FRY: variants seen among roughly 807,000 people sequenced by gnomAD.
The protein encoded by FRY is protein furry homolog.
FRY carries 128 observed loss-of-function variants against 348.4 expected under a neutral mutation model. The ratio of observed to expected loss-of-function variants is 0.37; its 90% CI spans 0.32 to 0.43. The LOEUF (loss-of-function observed/expected upper bound fraction) is 0.43, where lower values mean the gene tolerates loss of function less well. FRY is among the 20% of genes least tolerant of loss of function. FRY has a pLI of 1.00. For missense variants in FRY, 2,736 were observed against 3,695.2 expected (o/e 0.74, Z 6.73); for synonymous variants, 1,370 against 1,374.7 (o/e 1.00, Z 0.08).
chr13:32,071,766 T>C (rs1020986689), intron 1 of FRY, among the ~76,000 whole-genome samples: 3 of 152,116 alleles, frequency 2.0e-5, no homozygotes, highest in Non-Finnish European at 4.4e-5. Flanking sequence ...GGATATAAAG[T>C]TTTAGTTAAG....
In FRY at chr13:32,209,055, C is replaced by A. The variant is rs912517658; in HGVS notation, c.4221C>A (p.Gly1407=). The A allele has an allele frequency of 3.1e-6, 5 of 1,613,986 alleles. No individual in the cohort carries two copies. In the African/African-American group the frequency reaches 5.3e-5, roughly 17 times the overall value. The change falls in exon 32 of 61, where the codon GGC becomes GGA. Residue 1407 remains glycine (G), a synonymous_variant. Transcript: ENST00000542859. ...ACGGGCTGAGAGGAAATGGCTGGGG[C>A]TCTCCAGAAGCCACGTCACTGGTCC... ...ASHGLRGNGW[G]SPEATSLVLN...
At chr13:32,042,636 C>A (rs950656971) in intron 1 of FRY, among the ~76,000 whole-genome samples, 1 of 152,108 alleles carries the variant, frequency 6.6e-6, no homozygotes, top group Non-Finnish European at 1.5e-5. Context: ...ACCTCAGTTC[C>A]AAATATCTTT....
At position 32,179,000 on chromosome 13, in the gene FRY, C is replaced by T. The variant is rs868748883; in HGVS notation, c.2838C>T (p.Thr946=). The change falls in exon 22 of 61, where the codon ACC becomes ACT. Residue 946 remains threonine, a synonymous_variant. Transcript: ENST00000542859. ...CTTCCACTCCAGAAATAATGGCGACCACACCTGATGGTACAGTGAGCTACG... is the reference window on the plus strand; with the variant it reads ...CTTCCACTCCAGAAATAATGGCGACTACACCTGATGGTACAGTGAGCTACG... ...LRASTPEIMA[T]TPDGTVSYDN... 6.2e-7 allele frequency: 1 copy of T among 1,613,772 alleles called. No homozygotes were observed. Among genetic ancestry groups the T allele is most frequent in the Middle Eastern group, 1.7e-4 (1 of 6,060 alleles).
intron 35 of FRY, among the ~76,000 whole-genome samples, chr13:32,215,077 T>C (rs73442692): frequency 1.8e-4 from 28 of 152,310 alleles, no homozygotes; most frequent in African/African-American, 6.7e-4. Flanking sequence ...GCCAAGCTAA[T>C]GGGAGGGTAA....
intron 3 of FRY, 25 bp downstream of exon 3, chr13:32,102,041 T>C (rs1373740913): frequency 1.5e-6 from 2 of 1,345,656 alleles, no homozygotes; most frequent in South Asian, 2.3e-5. Context: ...TGTTATATAC[T>C]AGTTTTCCTT....
intron 18 of FRY, among the ~76,000 whole-genome samples, chr13:32,172,382 G>A (rs146463703): frequency 6.6e-6 from 1 of 152,278 alleles, no homozygotes; most frequent in African/African-American, 2.4e-5. Context: ...TGTGGATATA[G>A]GTATATAAAA....
Position 32,186,246 on chromosome 13 carries a change from G to GT in FRY, c.3320-9dup, listed in dbSNP as rs1883022749. The GT allele has an allele frequency of 6.2e-7, 1 of 1,603,918 alleles. No individual in the cohort carries two copies. The highest frequency in any genetic ancestry group is 1.1e-5 in the South Asian group (1 of 90,880). ...GTCCAGTCTTATAACCTCTAAGTGTGTTTTTCTCCCTAGTTCACCACCGAA... is the reference window on the plus strand; with the variant it reads ...GTCCAGTCTTATAACCTCTAAGTGTGTTTTTTCTCCCTAGTTCACCACCGAA... On this transcript the variant is annotated splice_polypyrimidine_tract_variant and intron_variant, in intron 26 of 60. Transcript: ENST00000542859.
At chr13:32,124,193 G>GTCT in intron 4 of FRY, 93 bp from the exon 5 acceptor site, 1 of 783,652 alleles carries the variant, frequency 1.3e-6, no homozygotes, top group South Asian at 1.5e-5. Context: ...GGGTTTTGCA[G>GTCT]TCTATTAGGG....
chr13:32,238,886 G>A (rs1053641531), intron 44 of FRY, among the ~76,000 whole-genome samples: 2 of 152,092 alleles, frequency 1.3e-5, no homozygotes, highest in Non-Finnish European at 2.9e-5. Context: ...AAATTGGTTG[G>A]CCTATGTCCT....
chr13:32,121,425 C>T (rs942159671), intron 4 of FRY, among the ~76,000 whole-genome samples: 3 of 152,200 alleles, frequency 2.0e-5, no homozygotes, highest in African/African-American at 7.2e-5. Context: ...GCATCCACGC[C>T]AACATCTACG....
At chr13:32,154,287 T>A (rs147084054) in intron 14 of FRY, among the ~76,000 whole-genome samples, 4 of 152,202 alleles carry the variant, frequency 2.6e-5, no homozygotes, top group African/African-American at 9.6e-5. Flanking sequence ...TTCTAGAAAA[T>A]GGAGAAAGCA....
chr13:32,267,439 C>G (rs1051381814), intron 55 of FRY, 80 bp downstream of exon 55: 1 of 1,242,894 alleles, frequency 8.0e-7, no homozygotes, highest in Non-Finnish European at 1.2e-6. Flanking sequence ...AGAGGTTGTT[C>G]TTCTGTTCTG....
intron 58 of FRY, among the ~76,000 whole-genome samples, chr13:32,281,636 C>A (rs549765500): frequency 1.3e-5 from 2 of 152,318 alleles, no homozygotes; most frequent in South Asian, 4.1e-4. Context: ...CCAAATGGCT[C>A]ATGGACACAC....
chr13:32,138,857 A>C (rs1879883366), intron 11 of FRY, among the ~76,000 whole-genome samples: 1 of 152,194 alleles, frequency 6.6e-6, no homozygotes, highest in Non-Finnish European at 1.5e-5. Flanking sequence ...TATGTAATGA[A>C]GTTTCAAAAT....
At chr13:32,121,281 A>G (rs56298900) in intron 4 of FRY, among the ~76,000 whole-genome samples, 7,159 of 152,268 alleles carry the variant, frequency 0.047, 199 homozygotes, top group African/African-American at 0.085. Context: ...CTCTGGGTAG[A>G]TACCCAGTAG....
chr13:32,295,245 G>A lies in FRY; in HGVS notation c.8827G>A (p.Glu2943Lys), dbSNP rs759586975. 1 of 1,613,798 alleles carries A rather than the reference G, an allele frequency of 6.2e-7. No individual in the cohort carries two copies. The highest frequency in any genetic ancestry group is 8.5e-7 in the Non-Finnish European group (1 of 1,179,718). ...NDIFGSSSDD[E>K]VQTLLNIYFR... ...CATCTTTGGAAGCAGTTCTGATGAT[G>A]AGGTCCAGACACTACTGAATATTTA... Residue 2943 changes from glutamate (E) to lysine (K), a missense_variant, in exon 61 of 61, where the codon GAG (glutamate) becomes AAG (lysine). Glu to Lys is a moderately conservative substitution (Grantham distance 56, BLOSUM62 1). Coordinates refer to ENST00000542859, the MANE Select transcript of FRY (RefSeq NM_023037.3).
At chr13:32,223,207 C>T (rs1885404808) in intron 36 of FRY, among the ~76,000 whole-genome samples, 1 of 152,150 alleles carries the variant, frequency 6.6e-6, no homozygotes, top group African/African-American at 2.4e-5. Flanking sequence ...ATCTACCCGC[C>T]TTGGCCTTCC....
At chr13:32,282,222 A>G (rs1320883537) in intron 58 of FRY, among the ~76,000 whole-genome samples, 1 of 152,120 alleles carries the variant, frequency 6.6e-6, no homozygotes, top group Non-Finnish European at 1.5e-5. Context: ...CTTACCTCTA[A>G]GTGATTCTCT....
At chr13:32,231,335 G>T (rs558634791) in intron 41 of FRY, 35 bp downstream of exon 41, 1 of 1,605,730 alleles carries the variant, frequency 6.2e-7, no homozygotes, top group Non-Finnish European at 8.5e-7. Flanking sequence ...CCCTCTTTCA[G>T]CATTGTTCTG....
Sources: gnomAD v4.1 joint callset for allele counts (sites outside exome capture counted in the v4.1 genomes callset) on GRCh38, gnomAD v4.1.1 for gene constraint, MANE v1.5 for transcripts, NCBI Gene and HGNC (gene_info 2026-07-23, HGNC 2026-07-21) for gene names.